The following UBAP1 variants were observed in gnomAD, a reference collection of about 807,000 sequenced individuals.
UBAP1 encodes the protein ubiquitin-associated protein 1.
UBAP1 carries 5 observed loss-of-function variants against 39.0 expected under a neutral mutation model. That is an observed-to-expected ratio of 0.13 (90% CI 0.07 to 0.27). UBAP1 has a LOEUF of 0.27. Ranked by LOEUF, UBAP1 falls within the 10% of genes least tolerant of loss-of-function variation. UBAP1 has a pLI of 1.00. For missense variants in UBAP1, 490 were observed against 608.1 expected (o/e 0.81, Z 2.04); for synonymous variants, 211 against 225.1 (o/e 0.94, Z 0.56).
intron 1 of UBAP1, among the ~76,000 whole-genome samples, chr9:34,184,599 C>T (rs1432159976): frequency 1.4e-5 from 2 of 144,964 alleles, no homozygotes; most frequent in Non-Finnish European, 1.5e-5. Flanking sequence ...CCACTGCACT[C>T]CAGCCTGGGC....
intron 1 of UBAP1, among the ~76,000 whole-genome samples, chr9:34,198,845 C>G (rs1194847549): frequency 6.6e-6 from 1 of 152,170 alleles, no homozygotes; most frequent in Non-Finnish European, 1.5e-5. Context: ...GGATCACTCT[C>G]TGGCCCCATG....
intron 2 of UBAP1, among the ~76,000 whole-genome samples, chr9:34,229,789 G>A (rs966766314): frequency 2.7e-5 from 4 of 150,632 alleles, no homozygotes; most frequent in African/African-American, 7.3e-5. Flanking sequence ...TGCTTGCCTC[G>A]GCCTCCCAAA....
intron 1 of UBAP1, among the ~76,000 whole-genome samples, chr9:34,210,424 A>G (rs1831950512): frequency 6.6e-6 from 1 of 152,218 alleles, no homozygotes; most frequent in Non-Finnish European, 1.5e-5. Flanking sequence ...TCAAATAAAA[A>G]TTTACGTTTT....
intron 1 of UBAP1, among the ~76,000 whole-genome samples, chr9:34,188,915 C>T (rs879873605): frequency 1.3e-5 from 2 of 152,110 alleles, no homozygotes; most frequent in Non-Finnish European, 2.9e-5. Context: ...CGAGATCGTA[C>T]CATTGCACTC....
At chr9:34,195,364 A>C (rs928460746) in intron 1 of UBAP1, among the ~76,000 whole-genome samples, 3 of 151,820 alleles carry the variant, frequency 2.0e-5, no homozygotes, top group African/African-American at 7.3e-5. Flanking sequence ...TATGGATGGA[A>C]GATTTTTTTT....
chr9:34,182,588 C>T (rs1193408023), intron 1 of UBAP1, among the ~76,000 whole-genome samples: 4 of 151,596 alleles, frequency 2.6e-5, no homozygotes, highest in African/African-American at 9.7e-5. Context: ...ACAAGCTTTT[C>T]GTGTTCTTTT....
At position 34,234,423 on chromosome 9, in the gene UBAP1, T is replaced by A. The variant is rs910158493; in HGVS notation, c.159+83T>A. The A allele has an allele frequency of 7.5e-6, 11 of 1,461,380 alleles. No individual in the cohort carries two copies. In the African/African-American group the frequency reaches 1.3e-4, roughly 17 times the overall value. 90.5% of individuals were successfully genotyped at this position (1,461,380 alleles called of 1,614,324 possible). ...TTGATGTATAGTGAAATAGAAAAAATTACAGTTGTGAGCTGAATCATGTTT... is the reference window on the plus strand; with the variant it reads ...TTGATGTATAGTGAAATAGAAAAAAATACAGTTGTGAGCTGAATCATGTTT... On this transcript the variant is annotated intron_variant, in intron 3 of 6. Coordinates refer to ENST00000297661, the MANE Select transcript of UBAP1 (RefSeq NM_016525.5).
intron 4 of UBAP1, among the ~76,000 whole-genome samples, chr9:34,243,878 C>G (rs1323488182): frequency 6.6e-6 from 1 of 152,098 alleles, no homozygotes; most frequent in Non-Finnish European, 1.5e-5. Flanking sequence ...TCAACAGAGT[C>G]TCGCTCTGTC....
intron 1 of UBAP1, among the ~76,000 whole-genome samples, chr9:34,183,993 C>T (rs1025083704): frequency 2.6e-5 from 4 of 152,002 alleles, no homozygotes; most frequent in Admixed American, 6.6e-5. Context: ...TGGTCTCAAA[C>T]TCTTCAACTC....
chr9:34,215,907 A>G (rs938635948), intron 1 of UBAP1, among the ~76,000 whole-genome samples: 2 of 152,098 alleles, frequency 1.3e-5, no homozygotes, highest in Non-Finnish European at 1.5e-5. Flanking sequence ...ATGTGCCCAA[A>G]TATAGATTTC....
At chr9:34,205,004 T>G (rs1831605308) in intron 1 of UBAP1, among the ~76,000 whole-genome samples, 1 of 152,072 alleles carries the variant, frequency 6.6e-6, no homozygotes, top group Non-Finnish European at 1.5e-5. Context: ...GGCTAATGCT[T>G]TAATTTTTAT....
At chr9:34,237,237 G>A (rs916373515) in intron 3 of UBAP1, among the ~76,000 whole-genome samples, 5 of 146,640 alleles carry the variant, frequency 3.4e-5, no homozygotes, top group Non-Finnish European at 7.5e-5. Flanking sequence ...GGGCACTGCA[G>A]GTAGAGATAA....
rs1834532320 is a variant in UBAP1, at chr9:34,251,546, C to A, written c.*14C>A. On this transcript the variant is annotated 3_prime_UTR_variant, in exon 7 of 7. Transcript: ENST00000297661. Reference sequence around the variant, plus strand: ...GGAGCCAGCTGAGACCAGGCCCTGCCTAGGCCCTGCCGCAGAACCACCATC... The same window carrying A: ...GGAGCCAGCTGAGACCAGGCCCTGCATAGGCCCTGCCGCAGAACCACCATC... 2 of 1,611,656 alleles carry A rather than the reference C, an allele frequency of 1.2e-6. No individual in the cohort carries two copies. Among genetic ancestry groups the A allele is most frequent in the Admixed American group, 1.7e-5 (1 of 59,670 alleles).
intron 2 of UBAP1, among the ~76,000 whole-genome samples, chr9:34,231,707 C>A (rs1163681586): frequency 6.6e-6 from 1 of 151,338 alleles, no homozygotes; most frequent in African/African-American, 2.4e-5. Flanking sequence ...TGCAGTGGTG[C>A]GATCTTGACT....
At chr9:34,246,296 G>A (rs1401644494) in intron 4 of UBAP1, among the ~76,000 whole-genome samples, 1 of 152,142 alleles carries the variant, frequency 6.6e-6, no homozygotes, top group Non-Finnish European at 1.5e-5. Context: ...AAAATTCTGA[G>A]CTTAAGCAGT....
chr9:34,232,874 A>G (rs572350472), intron 2 of UBAP1, among the ~76,000 whole-genome samples: 20 of 152,346 alleles, frequency 1.3e-4, no homozygotes, highest in Admixed American at 9.8e-4. Flanking sequence ...ATTGTCCACA[A>G]TGGTTCTGCC....
intron 1 of UBAP1, among the ~76,000 whole-genome samples, chr9:34,213,425 C>T (rs1352567592): frequency 2.0e-5 from 3 of 152,074 alleles, no homozygotes; most frequent in African/African-American, 7.2e-5. Context: ...ACAGGAGAAT[C>T]GCTTGAACCC....
At chr9:34,228,566 GT>G (rs1279200463) in intron 2 of UBAP1, among the ~76,000 whole-genome samples, 61 of 122,632 alleles carry the variant, frequency 5.0e-4, no homozygotes, top group African/African-American at 1.1e-3. Flanking sequence ...TGCTTTCTTT[GT>G]TTCCCCCCCC....
At chr9:34,202,569 C>G (rs2131537146) in intron 1 of UBAP1, among the ~76,000 whole-genome samples, 1 of 149,250 alleles carries the variant, frequency 6.7e-6, no homozygotes, top group East Asian at 2.0e-4. Context: ...AGCATTATAA[C>G]AGAAGACTCC....
Sources: gnomAD v4.1 joint callset for allele counts (sites outside exome capture counted in the v4.1 genomes callset) on GRCh38, gnomAD v4.1.1 for gene constraint, MANE v1.5 for transcripts, NCBI Gene and HGNC (gene_info 2026-07-23, HGNC 2026-07-21) for gene names.